SF3B3: variants seen among roughly 807,000 people sequenced by gnomAD.
The protein encoded by SF3B3 is splicing factor 3b subunit 3.
SF3B3 carries 33 observed loss-of-function variants against 139.2 expected under a neutral mutation model. That is an observed-to-expected ratio of 0.24 (90% CI 0.18 to 0.32). The LOEUF (loss-of-function observed/expected upper bound fraction) is 0.32. Among genes scored for constraint, SF3B3 ranks in the 10% least tolerant of loss-of-function variants. The pLI is 1.00. For synonymous variants in SF3B3, 596 were observed against 563.6 expected (o/e 1.06, Z -0.81); for missense variants, 818 against 1,509.4 (o/e 0.54, Z 7.59).
chr16:70,545,017 A>T (rs1372323569), intron 10 of SF3B3, among the ~76,000 whole-genome samples: 1 of 152,134 alleles, frequency 6.6e-6, no homozygotes, highest in Non-Finnish European at 1.5e-5. Flanking sequence ...TATCTTATTA[A>T]ATTTATTCCT....
At chr16:70,535,480 GTC>G in intron 6 of SF3B3, 60 bp downstream of exon 6, 1 of 953,972 alleles carries the variant, frequency 1.0e-6, no homozygotes, top group East Asian at 2.6e-5. Context: ...TTACAGTGTA[GTC>G]TCTTAGTTTG....
intron 16 of SF3B3, chr16:70,561,209 T>G (rs1277557190): frequency 1.3e-5 from 2 of 157,578 alleles, no homozygotes; most frequent in African/African-American, 2.4e-5. Flanking sequence ...TTAGTAGAGA[T>G]GAGGTTTCAC....
chr16:70,556,530 T>A lies in SF3B3; in HGVS notation c.1866+196T>A, dbSNP rs2050381120. The A allele has an allele frequency of 3.5e-5, 22 of 636,960 alleles. No individual in the cohort carries two copies. In the South Asian group the frequency reaches 4.3e-4, roughly 13 times the overall value. The allele number at this position is 636,960 out of a possible 1,614,324, so 39.5% of individuals were successfully genotyped here. The stretch of plus-strand genomic sequence containing the variant: ...CCTGCTGTGGTTTAAGGATATGATC[T>A]GAGACTACAGAAATGTTTCTTTGGC... On this transcript the variant is annotated intron_variant, in intron 14 of 25. Coordinates refer to ENST00000302516, the MANE Select transcript of SF3B3 (RefSeq NM_012426.5).
chr16:70,540,210 C>T (rs1398736477), intron 8 of SF3B3, among the ~76,000 whole-genome samples: 1 of 150,598 alleles, frequency 6.6e-6, no homozygotes, highest in Non-Finnish European at 1.5e-5. Context: ...GCCTGACCAA[C>T]ATGGAGAAAC....
chr16:70,542,204 A>G (rs2050225298), intron 9 of SF3B3, among the ~76,000 whole-genome samples: 1 of 138,712 alleles, frequency 7.2e-6, no homozygotes, highest in Non-Finnish European at 1.6e-5. Flanking sequence ...TGCATTTACA[A>G]TCATGTATAT....
intron 15 of SF3B3, among the ~76,000 whole-genome samples, chr16:70,558,042 TA>T (rs1376990427): frequency 6.6e-6 from 1 of 152,206 alleles, no homozygotes; most frequent in Non-Finnish European, 1.5e-5. Flanking sequence ...TTATGTCTCT[TA>T]AACTGTTCTA....
intron 10 of SF3B3, among the ~76,000 whole-genome samples, chr16:70,546,108 A>G (rs1474012167): frequency 6.6e-6 from 1 of 152,172 alleles, no homozygotes; most frequent in Admixed American, 6.5e-5. Flanking sequence ...CTGGGACTAC[A>G]GGTGTGCGCC....
rs747506528 is a variant in SF3B3 at position 70,556,268 on chromosome 16, G to A, written c.1800G>A (p.Gln600=). Reference sequence around the variant, plus strand: ...TGGCCAATGTACCCCCTGGAGAGCAGCGGTCTCGCTTCCTGGCTGTGGGGC... The same window carrying A: ...TGGCCAATGTACCCCCTGGAGAGCAACGGTCTCGCTTCCTGGCTGTGGGGC... The part of the protein sequence containing the change: ...MSLANVPPGE[Q]RSRFLAVGLV... The change falls in exon 14 of 26, where the codon CAG becomes CAA. Residue 600 remains glutamine (Q), a synonymous_variant. Transcript: ENST00000302516. 11 of 1,614,088 alleles carry A rather than the reference G, an allele frequency of 6.8e-6. No individual in the cohort carries two copies. In the South Asian group the frequency reaches 1.1e-4, roughly 16 times the overall value.
intron 7 of SF3B3, 143 bp from the exon 8 acceptor site, chr16:70,538,961 A>G: frequency 1.5e-6 from 1 of 657,132 alleles, no homozygotes; most frequent in South Asian, 1.7e-5. Context: ...AATGATTGGC[A>G]TGACTGGCCC....
chr16:70,541,467 AAAATACTCACTGCAC>A (rs2050218356), intron 8 of SF3B3, among the ~76,000 whole-genome samples, 187 bp from the exon 9 acceptor site: 1 of 152,250 alleles, frequency 6.6e-6, no homozygotes, highest in South Asian at 2.1e-4. Context: ...TGCTATAAAT[AAAATACTCACTGCAC>A]TTCCCAGATC....
intron 3 of SF3B3, among the ~76,000 whole-genome samples, chr16:70,530,285 C>CACT (rs1260367672): frequency 6.6e-6 from 1 of 150,462 alleles, no homozygotes; most frequent in East Asian, 2.0e-4. Flanking sequence ...AGACTTGAGC[C>CACT]ACTGTGCCCA....
At chr16:70,565,658 G>T in intron 20 of SF3B3, 134 bp downstream of exon 20, 1 of 788,114 alleles carries the variant, frequency 1.3e-6, no homozygotes, top group Non-Finnish European at 2.0e-6. Flanking sequence ...CATGGAAAAT[G>T]CTGGGGCCTT....
At chr16:70,544,662 T>A in intron 10 of SF3B3, 129 bp downstream of exon 10, 1 of 627,452 alleles carries the variant, frequency 1.6e-6, no homozygotes. Context: ...TCTTTCTCCC[T>A]GACTTCCCCG....
At chr16:70,527,211 CAG>C (rs1298490537) in intron 2 of SF3B3, among the ~76,000 whole-genome samples, 1 of 152,158 alleles carries the variant, frequency 6.6e-6, no homozygotes, top group Non-Finnish European at 1.5e-5. Flanking sequence ...TGCATAGAAA[CAG>C]ATAATTTGCT....
At position 70,561,775 on chromosome 16, in the gene SF3B3, A is replaced by C; in HGVS notation, c.2279A>C (p.Asn760Thr). The change falls in exon 17 of 26, where the codon AAC becomes ACC. Residue 760 changes from asparagine to threonine, a missense_variant. By Grantham distance (65) the Asn-to-Thr change is moderately conservative. Around this residue, in one of 14 missense-constraint regions of SF3B3, gnomAD observed 170 missense variants for 353.0 expected, o/e 0.48. Transcript: ENST00000302516. The stretch of plus-strand genomic sequence containing the variant: ...GAGGGCATTGTGGCCATCTCCACCA[A>C]CACCCTACGGTGAGTGAGTCTCATG... ...CPEGIVAISTNTLRILALEKL... is the reference protein window; with the variant it reads ...CPEGIVAISTTTLRILALEKL... The C allele has an allele frequency of 6.2e-7, 1 of 1,613,990 alleles. No individual in the cohort carries two copies. Among genetic ancestry groups the C allele is most frequent in the Non-Finnish European group, 8.5e-7 (1 of 1,179,918 alleles).
intron 21 of SF3B3, 33 bp downstream of exon 21, chr16:70,567,569 C>T (rs1367954556): frequency 6.2e-7 from 1 of 1,602,570 alleles, no homozygotes; most frequent in East Asian, 2.2e-5. Flanking sequence ...TGAGATCTAG[C>T]TCATGTGTCA....
In SF3B3 at chr16:70,548,357, C is replaced by A. The variant is rs538872621; in HGVS notation, c.1330-13C>A. The A allele has an allele frequency of 2.5e-6, 4 of 1,613,026 alleles. No individual in the cohort carries two copies. Among genetic ancestry groups the A allele is most frequent in the Non-Finnish European group, 3.4e-6 (4 of 1,179,116 alleles). On this transcript the variant is annotated splice_polypyrimidine_tract_variant and intron_variant, in intron 10 of 25. Coordinates refer to ENST00000302516, the MANE Select transcript of SF3B3 (RefSeq NM_012426.5). ...TGCTCACTGGATCTGTGGCTTCCCTCTTCTCCTGTCAGGTGTCAGAAATGG... is the reference window on the plus strand; with the variant it reads ...TGCTCACTGGATCTGTGGCTTCCCTATTCTCCTGTCAGGTGTCAGAAATGG...
Position 70,523,823 on chromosome 16 carries a change from T to G in SF3B3, c.-176T>G, listed in dbSNP as rs2050015894. On this transcript the variant is annotated 5_prime_UTR_variant, in exon 1 of 26. Transcript: ENST00000302516. ...GCCGCGCGCCACCAGAATGTCCCTG[T>G]CTTGAGGTCTAATGGCGGACGCCAG... is the stretch of plus-strand genomic sequence containing the variant. The G allele has an allele frequency of 1.8e-6, 1 of 565,562 alleles. No homozygotes were observed. Among genetic ancestry groups the G allele is most frequent in the Admixed American group, 3.4e-5 (1 of 29,688 alleles). 35.0% of individuals were successfully genotyped at this position (565,562 alleles called of 1,614,324 possible). A position where few individuals can be genotyped will look rare whatever the true frequency, so the allele number is the denominator to read the frequency against.
chr16:70,540,822 C>A (rs987443122), intron 8 of SF3B3, among the ~76,000 whole-genome samples: 2 of 152,084 alleles, frequency 1.3e-5, no homozygotes, highest in Non-Finnish European at 2.9e-5. Context: ...ATTGTATGTA[C>A]ATACTGCATT....
Sources: gnomAD v4.1 joint callset for allele counts (sites outside exome capture counted in the v4.1 genomes callset) on GRCh38, gnomAD v4.1.1 for gene constraint, gnomAD v4.1.1 regional missense constraint, MANE v1.5 for transcripts, NCBI Gene and HGNC (gene_info 2026-07-23, HGNC 2026-07-21) for gene names.